The following NLN variants were observed in gnomAD, a reference collection of about 807,000 sequenced individuals.
The protein encoded by NLN is neurolysin.
A neutral mutation model predicts 79.9 loss-of-function variants in NLN; 64 were observed. The observed-to-expected ratio is 0.80, with a 90% confidence interval of 0.65 to 0.99. The LOEUF is 0.99. NLN is among the 50% of genes least tolerant of loss of function. The pLI, the probability that NLN is intolerant of heterozygous loss-of-function variation, is 0.00. For missense variants in NLN, 835 were observed against 858.7 expected (o/e 0.97, Z 0.34); for synonymous variants, 267 against 296.6 (o/e 0.90, Z 1.02).
chr5:65,724,804 CTTT>C (rs558656791), intron 1 of NLN, among the ~76,000 whole-genome samples: 2 of 126,372 alleles, frequency 1.6e-5, no homozygotes, highest in African/African-American at 3.0e-5. Context: ...TTTTTTTTTT[CTTT>C]TTTTTTTTTT....
intron 4 of NLN, among the ~76,000 whole-genome samples, chr5:65,778,079 G>C (rs1162944684): frequency 6.6e-6 from 1 of 152,002 alleles, no homozygotes; most frequent in Non-Finnish European, 1.5e-5. Context: ...TCACTCCCTT[G>C]GTCATACAGA....
At chr5:65,737,677 A>G (rs1280542382) in intron 1 of NLN, among the ~76,000 whole-genome samples, 1 of 152,196 alleles carries the variant, frequency 6.6e-6, no homozygotes, top group Non-Finnish European at 1.5e-5. Flanking sequence ...CTTTCAGTAG[A>G]AAGTAGATAT....
intron 1 of NLN, among the ~76,000 whole-genome samples, chr5:65,729,107 G>A (rs116412643): frequency 0.018 from 2,768 of 152,280 alleles, 39 homozygotes; most frequent in Middle Eastern, 0.027. Flanking sequence ...ACCTTCCAGA[G>A]TGCTGGGATT....
chr5:65,791,975 A>C (rs1186488884), intron 8 of NLN, among the ~76,000 whole-genome samples: 1 of 152,196 alleles, frequency 6.6e-6, no homozygotes, highest in Non-Finnish European at 1.5e-5. Context: ...AAGCTTATTT[A>C]ATTGTGATTA....
intron 1 of NLN, among the ~76,000 whole-genome samples, chr5:65,727,639 T>C (rs1286711340): frequency 6.6e-6 from 1 of 152,110 alleles, no homozygotes. Context: ...ATGTATATTA[T>C]AGAATAAGAG....
In NLN at chr5:65,825,683, C is replaced by G. The variant is rs1008082609; in HGVS notation, c.*2768C>G. 1 of 152,162 alleles carries G rather than the reference C, an allele frequency of 6.6e-6. No individual in the cohort carries two copies. The highest frequency in any genetic ancestry group is 6.5e-5 in the Admixed American group (1 of 15,276). The allele number at this position is 152,162 out of a possible 1,614,324, so 9.4% of individuals were successfully genotyped here. Reference sequence around the variant, plus strand: ...AGGTGAGAGGTGGATATCTGTAGCTCTTCGGATGAAAAATTGCATTGTGGG... The same window carrying G: ...AGGTGAGAGGTGGATATCTGTAGCTGTTCGGATGAAAAATTGCATTGTGGG... On this transcript the variant is annotated 3_prime_UTR_variant, in exon 13 of 13. Coordinates refer to ENST00000380985, the MANE Select transcript of NLN (RefSeq NM_020726.5).
chr5:65,812,525 A>C (rs1760576918), intron 12 of NLN, 134 bp downstream of exon 12: 1 of 617,384 alleles, frequency 1.6e-6, no homozygotes, highest in Non-Finnish European at 2.8e-6. Flanking sequence ...GAGGCCCTGC[A>C]TCTTTCAAAT....
chr5:65,787,683 T>C (rs2150761254), intron 7 of NLN, among the ~76,000 whole-genome samples: 1 of 152,360 alleles, frequency 6.6e-6, no homozygotes, highest in East Asian at 1.9e-4. Flanking sequence ...CTAGATAACA[T>C]TGACCACAGG....
rs1760959409 is a variant in NLN, at chr5:65,828,404, GATAACTTT to G, written c.*5490_*5497del. The stretch of plus-strand genomic sequence containing the variant: ...TTTGCAGGAGCAGTAACAAGATGGT[GATAACTTT>G]GAAAATACTTCTCAAAAGAAAAATA... On this transcript the variant is annotated 3_prime_UTR_variant, in exon 13 of 13. Coordinates refer to ENST00000380985, the MANE Select transcript of NLN (RefSeq NM_020726.5). 2 of 152,162 alleles carry G rather than the reference GATAACTTT, an allele frequency of 1.3e-5. No individual in the cohort carries two copies. Among genetic ancestry groups the G allele is most frequent in the Non-Finnish European group, 2.9e-5 (2 of 68,026 alleles). The allele number at this position is 152,162 out of a possible 1,614,324, so 9.4% of individuals were successfully genotyped here. A position where few individuals can be genotyped will look rare whatever the true frequency, so the allele number is the denominator to read the frequency against.
In NLN at chr5:65,763,080, A is replaced by T; in HGVS notation, c.422A>T (p.Asp141Val). The part of the protein sequence containing the change: ...RFDIEMSMRG[D>V]IFERIVHLQE... The stretch of plus-strand genomic sequence containing the variant: ...GATATTGAGATGAGCATGAGAGGAG[A>T]TATATTTGAGAGAATTGTTCATTTA... The change falls in exon 3 of 13, where the codon GAT becomes GTT. Residue 141 changes from aspartate to valine, a missense_variant. Coordinates refer to ENST00000380985, the MANE Select transcript of NLN (RefSeq NM_020726.5). 1 of 1,613,652 alleles carries T rather than the reference A, an allele frequency of 6.2e-7. No individual in the cohort carries two copies. Among genetic ancestry groups the T allele is most frequent in the Non-Finnish European group, 8.5e-7 (1 of 1,179,722 alleles).
intron 1 of NLN, among the ~76,000 whole-genome samples, chr5:65,728,166 A>G (rs1237875667): frequency 6.6e-6 from 1 of 152,202 alleles, no homozygotes; most frequent in Non-Finnish European, 1.5e-5. Context: ...TATTAAATAT[A>G]TATATAATCC....
At chr5:65,747,749 C>G (rs1759016114) in intron 1 of NLN, among the ~76,000 whole-genome samples, 1 of 152,120 alleles carries the variant, frequency 6.6e-6, no homozygotes. Context: ...TAGGAAGGGG[C>G]CCACACAGAT....
chr5:65,772,788 T>C (rs1041093904), intron 3 of NLN, among the ~76,000 whole-genome samples: 1 of 151,656 alleles, frequency 6.6e-6, no homozygotes, highest in African/African-American at 2.4e-5. Flanking sequence ...TGGACCGTAG[T>C]GACGTGATCT....
At chr5:65,801,954 G>T (rs1760294033) in intron 9 of NLN, among the ~76,000 whole-genome samples, 1 of 152,142 alleles carries the variant, frequency 6.6e-6, no homozygotes, top group Admixed American at 6.5e-5. Context: ...GATATACAAA[G>T]TCTGTATTTT....
chr5:65,734,930 T>C (rs182395187), intron 1 of NLN, among the ~76,000 whole-genome samples: 1 of 152,322 alleles, frequency 6.6e-6, no homozygotes, highest in African/African-American at 2.4e-5. Flanking sequence ...CCACAAATTA[T>C]TTATTTAAAA....
chr5:65,806,372 A>G (rs1384514356), intron 9 of NLN, among the ~76,000 whole-genome samples: 3 of 152,376 alleles, frequency 2.0e-5, no homozygotes, highest in South Asian at 2.1e-4. Context: ...AATGCCATTA[A>G]GAACATGCAT....
rs149571497 is a variant in NLN, at chr5:65,750,408, G to A, written c.42-8159G>A. Reference sequence around the variant, plus strand: ...GGCTGAAGGCTTCAAGAAAGAAATGGACTGAGTACCTGAGGAAATAGATAA... The same window carrying A: ...GGCTGAAGGCTTCAAGAAAGAAATGAACTGAGTACCTGAGGAAATAGATAA... On this transcript the variant is annotated intron_variant, in intron 1 of 12. Transcript: ENST00000380985. 7.0e-3 allele frequency among the ~76,000 whole-genome samples: 1,071 copies of A among 152,354 alleles called. 40 individuals are homozygous for A. The highest frequency in any genetic ancestry group is 0.063 in the Admixed American group (965 of 15,298).
At chr5:65,762,299 T>G (rs1002178320) in intron 2 of NLN, among the ~76,000 whole-genome samples, 3 of 152,144 alleles carry the variant, frequency 2.0e-5, no homozygotes, top group African/African-American at 7.2e-5. Context: ...TATGGAGTCT[T>G]TATCTTTTTA....
At chr5:65,815,896 G>T (rs1561214682) in intron 12 of NLN, among the ~76,000 whole-genome samples, 2 of 152,164 alleles carry the variant, frequency 1.3e-5, no homozygotes, top group East Asian at 3.9e-4. Flanking sequence ...AAAAAACTTA[G>T]ATCATTATTA....
Sources: allele counts gnomAD v4.1 joint callset (sites outside exome capture counted in the v4.1 genomes callset), GRCh38; gene constraint gnomAD v4.1.1; transcripts MANE v1.5; gene names NCBI Gene and HGNC (gene_info 2026-07-23, HGNC 2026-07-21).